PRUNE2: variants seen among roughly 807,000 people sequenced by gnomAD.
The protein encoded by PRUNE2 is protein prune homolog 2.
In PRUNE2, 164 loss-of-function variants were observed where a neutral mutation model predicts 252.0. The ratio of observed to expected loss-of-function variants is 0.65; its 90% CI spans 0.57 to 0.74. The LOEUF (loss-of-function observed/expected upper bound fraction) is 0.74. Among genes scored for constraint, PRUNE2 ranks in the 30% least tolerant of loss-of-function variants. The pLI, the probability that PRUNE2 is intolerant of heterozygous loss-of-function variation, is 0.00. For missense variants in PRUNE2, 3,495 were observed against 3,711.0 expected, an observed-to-expected ratio of 0.94 and a Z score of 1.51; for synonymous variants, 1,292 against 1,350.2, an observed-to-expected ratio of 0.96 and a Z score of 0.94.
intron 1 of PRUNE2, among the ~76,000 whole-genome samples, chr9:76,890,056 T>C (rs958470360): frequency 2.0e-5 from 3 of 152,188 alleles, no homozygotes; most frequent in African/African-American, 7.2e-5. Context: ...GTCCCTGCAG[T>C]CTGTTGAAGT....
chr9:76,826,785 G>T, intron 4 of PRUNE2, 53 bp from the exon 5 acceptor site: 1 of 1,419,172 alleles, frequency 7.0e-7, no homozygotes, highest in Admixed American at 2.2e-5. Flanking sequence ...AGCCAGAACA[G>T]GGGCCAAGAA....
intron 3 of PRUNE2, 95 bp downstream of exon 3, chr9:76,850,368 C>G: frequency 1.0e-6 from 1 of 967,170 alleles, no homozygotes; most frequent in Non-Finnish European, 1.6e-6. Flanking sequence ...TTTAATACAT[C>G]TGCCTAAACC....
chr9:76,645,450 T>A (rs1274798605), intron 11 of PRUNE2, among the ~76,000 whole-genome samples: 1 of 152,140 alleles, frequency 6.6e-6, no homozygotes, highest in African/African-American at 2.4e-5. Context: ...TATCTGGACA[T>A]AAATTTGATA....
chr9:76,771,642 G>A (rs935905947), intron 6 of PRUNE2, among the ~76,000 whole-genome samples: 1 of 152,218 alleles, frequency 6.6e-6, no homozygotes, highest in South Asian at 2.1e-4. Context: ...CATCAAAGCA[G>A]TTGTACACAT....
rs552058486 is a variant in PRUNE2, at chr9:76,804,793, T to C, written c.756+18839A>G. Among the ~76,000 whole-genome samples the C allele has an allele frequency of 1.3e-4, 20 of 152,326 alleles. No homozygotes were observed. The South Asian group carries it at 3.3e-3, about 25-fold the overall frequency. Reference sequence around the variant, plus strand: ...GCCATTCCTTGACCAAAAGGCCCTCTAGAGGTGATCCTTTCTTTTCAACCA... The same window carrying C: ...GCCATTCCTTGACCAAAAGGCCCTCCAGAGGTGATCCTTTCTTTTCAACCA... On this transcript the variant is annotated intron_variant, in intron 6 of 18. Coordinates refer to ENST00000376718, the MANE Select transcript of PRUNE2 (RefSeq NM_015225.3).
intron 9 of PRUNE2, among the ~76,000 whole-genome samples, chr9:76,668,163 G>A (rs2040561898): frequency 6.6e-6 from 1 of 152,088 alleles, no homozygotes; most frequent in African/African-American, 2.4e-5. Context: ...CATAGCCTTT[G>A]ACCAGCTGTT....
chr9:76,633,110 T>C (rs1314715580), intron 15 of PRUNE2, among the ~76,000 whole-genome samples: 1 of 151,942 alleles, frequency 6.6e-6, no homozygotes, highest in African/African-American at 2.4e-5. Context: ...TAATCCCAGC[T>C]ACTTGGGAGG....
At chr9:76,885,537 A>T (rs2062036762) in intron 1 of PRUNE2, among the ~76,000 whole-genome samples, 1 of 152,194 alleles carries the variant, frequency 6.6e-6, no homozygotes, top group Admixed American at 6.5e-5. Context: ...ACAACCATTA[A>T]TGTCTACAGA....
At chr9:76,721,126 T>C (rs937123387) in intron 6 of PRUNE2, among the ~76,000 whole-genome samples, 71 of 152,204 alleles carry the variant, frequency 4.7e-4, no homozygotes, top group African/African-American at 1.5e-3. Context: ...TAAAACCTAC[T>C]GATAGGTCAG....
At chr9:76,859,021 A>G (rs1230424050) in intron 1 of PRUNE2, among the ~76,000 whole-genome samples, 1 of 152,198 alleles carries the variant, frequency 6.6e-6, no homozygotes, top group Non-Finnish European at 1.5e-5. Flanking sequence ...ACACAAGCAC[A>G]CCAAGCATCA....
At chr9:76,727,582 C>T (rs928154967) in intron 6 of PRUNE2, among the ~76,000 whole-genome samples, 1 of 151,202 alleles carries the variant, frequency 6.6e-6, no homozygotes, top group Non-Finnish European at 1.5e-5. Context: ...CATCTACTTC[C>T]TATTCCAGGA....
chr9:76,755,736 T>G (rs2051083118), intron 6 of PRUNE2, among the ~76,000 whole-genome samples: 1 of 152,142 alleles, frequency 6.6e-6, no homozygotes, highest in Admixed American at 6.5e-5. Context: ...GGGTCTCACT[T>G]TGTCACCCCA....
rs944589473 is a variant in PRUNE2, at chr9:76,731,323, T to C, written c.757-17602A>G. On this transcript the variant is annotated intron_variant, in intron 6 of 18. Transcript: ENST00000376718. The stretch of plus-strand genomic sequence containing the variant: ...CTATCTATCTATCTATATATATATA[T>C]ATTTTTTTTTTTTTTTTGAGACAGG... Among the ~76,000 whole-genome samples the C allele has an allele frequency of 2.7e-4, 20 of 74,510 alleles. 1 individual carries two copies. Among genetic ancestry groups the C allele is most frequent in the South Asian group, 4.6e-4 (1 of 2,192 alleles). 48.9% of individuals were successfully genotyped at this position (74,510 alleles called of 152,430 possible). A position where few individuals can be genotyped will look rare whatever the true frequency, so the allele number is the denominator to read the frequency against.
chr9:76,683,363 G>A lies in PRUNE2; in HGVS notation c.8276+19974C>T, dbSNP rs569227748. Reference sequence around the variant, plus strand: ...GGAACCCACTGTATTAAGAAACAGAGACAATGAGTGAAGGAAAAAAAATGG... The same window carrying A: ...GGAACCCACTGTATTAAGAAACAGAAACAATGAGTGAAGGAAAAAAAATGG... On this transcript the variant is annotated intron_variant, in intron 9 of 18. Transcript: ENST00000376718. Among the ~76,000 whole-genome samples, 19 of 152,298 alleles carry A rather than the reference G, an allele frequency of 1.2e-4. No individual in the cohort carries two copies. In the South Asian group the frequency reaches 3.1e-3, roughly 25 times the overall value.
At chr9:76,806,992 T>G (rs1372410950) in intron 6 of PRUNE2, among the ~76,000 whole-genome samples, 1 of 151,526 alleles carries the variant, frequency 6.6e-6, no homozygotes, top group Non-Finnish European at 1.5e-5. Context: ...CCAAGTAGAT[T>G]CCATACCTTT....
intron 6 of PRUNE2, among the ~76,000 whole-genome samples, chr9:76,719,932 C>A (rs2047483602): frequency 6.6e-6 from 1 of 152,136 alleles, no homozygotes; most frequent in Non-Finnish European, 1.5e-5. Flanking sequence ...GAGGCATAAG[C>A]CACCATGTCC....
intron 9 of PRUNE2, among the ~76,000 whole-genome samples, chr9:76,702,608 G>T (rs2045973117): frequency 3.7e-5 from 1 of 27,208 alleles, no homozygotes; most frequent in African/African-American, 1.0e-4. Flanking sequence ...AAAACCACAT[G>T]GTGAATGAAT....
intron 9 of PRUNE2, among the ~76,000 whole-genome samples, chr9:76,701,247 C>T (rs950918310): frequency 6.6e-6 from 1 of 152,182 alleles, no homozygotes; most frequent in African/African-American, 2.4e-5. Flanking sequence ...TTAGACAACT[C>T]TTTATTCTCC....
chr9:76,646,849 G>GTTGTT (rs779093676), intron 11 of PRUNE2, among the ~76,000 whole-genome samples: 5 of 152,098 alleles, frequency 3.3e-5, no homozygotes, highest in Admixed American at 3.3e-4. Context: ...TGAACGTAGG[G>GTTGTT]TTGTTTTGTT....
Sources: allele counts gnomAD v4.1 joint callset (sites outside exome capture counted in the v4.1 genomes callset), GRCh38; gene constraint gnomAD v4.1.1; transcripts MANE v1.5; gene names NCBI Gene and HGNC (gene_info 2026-07-23, HGNC 2026-07-21).